The following CSMD1 variants were observed in gnomAD, a reference collection of about 807,000 sequenced individuals.
CSMD1 encodes the protein CUB and sushi domain-containing protein 1.
In CSMD1, 213 loss-of-function variants were observed where a neutral mutation model predicts 417.5. The ratio of observed to expected loss-of-function variants is 0.51; its 90% CI spans 0.46 to 0.57. The LOEUF (loss-of-function observed/expected upper bound fraction) is 0.57, where lower values mean the gene tolerates loss of function less well. CSMD1 is among the 20% of genes least tolerant of loss of function. The pLI, the probability that CSMD1 is intolerant of heterozygous loss-of-function variation, is 0.00. For synonymous variants in CSMD1, 2,862 were observed against 1,736.8 expected (o/e 1.65, Z -16.11); for missense variants, 6,923 against 4,529.7 (o/e 1.53, Z -15.17).
chr8:3,331,585 A>T (rs184222118), intron 23 of CSMD1, among the ~76,000 whole-genome samples: 1 of 152,322 alleles, frequency 6.6e-6, no homozygotes, highest in Non-Finnish European at 1.5e-5. Flanking sequence ...GATCATCTTC[A>T]AAGGGCTACT....
intron 26 of CSMD1, among the ~76,000 whole-genome samples, chr8:3,277,415 C>T (rs913203633): frequency 2.0e-5 from 3 of 152,084 alleles, no homozygotes; most frequent in Admixed American, 6.6e-5. Flanking sequence ...GCAGCTCAGA[C>T]CCCCAGCGGC....
chr8:4,321,522 G>T (rs929912878), intron 3 of CSMD1, among the ~76,000 whole-genome samples: 2 of 152,102 alleles, frequency 1.3e-5, no homozygotes, highest in East Asian at 1.9e-4. Context: ...ATGTGTTAAG[G>T]ATTAAAGGGA....
chr8:4,592,507 T>G (rs1424057931), intron 2 of CSMD1, among the ~76,000 whole-genome samples: 1 of 151,898 alleles, frequency 6.6e-6, no homozygotes, highest in African/African-American at 2.4e-5. Context: ...CTGCCTCAGC[T>G]TCCTGAGTAG....
chr8:4,952,058 G>A (rs192258556), intron 1 of CSMD1, among the ~76,000 whole-genome samples: 35 of 151,200 alleles, frequency 2.3e-4, no homozygotes, highest in Admixed American at 5.9e-4. Context: ...TATTTTACAC[G>A]TAATTGTAAG....
At chr8:3,091,353 G>A (rs866406453) in intron 48 of CSMD1, among the ~76,000 whole-genome samples, 163 bp downstream of exon 48, 3 of 151,954 alleles carry the variant, frequency 2.0e-5, no homozygotes, top group African/African-American at 7.2e-5. Context: ...GTAGTTTAGA[G>A]GAATCATTCA....
chr8:2,991,558 T>A (rs950305388), intron 54 of CSMD1, among the ~76,000 whole-genome samples: 1 of 152,244 alleles, frequency 6.6e-6, no homozygotes, highest in Non-Finnish European at 1.5e-5. Context: ...TGAATTTTTT[T>A]AACAACAGAC....
intron 12 of CSMD1, among the ~76,000 whole-genome samples, chr8:3,444,533 G>C (rs372214397): frequency 1.3e-5 from 2 of 152,044 alleles, no homozygotes; most frequent in Admixed American, 1.3e-4. Context: ...GCAATGTCTG[G>C]AGGCATTGGT....
At chr8:3,520,649 G>A (rs745793486) in intron 10 of CSMD1, among the ~76,000 whole-genome samples, 8 of 151,864 alleles carry the variant, frequency 5.3e-5, no homozygotes, top group African/African-American at 1.7e-4. Flanking sequence ...CTGCATCTCC[G>A]GGTCCTCTTT....
chr8:3,754,997 T>C (rs1797577010), intron 5 of CSMD1, among the ~76,000 whole-genome samples: 1 of 152,180 alleles, frequency 6.6e-6, no homozygotes, highest in Non-Finnish European at 1.5e-5. Context: ...TGCAATCAAT[T>C]TCTGGTTAAG....
intron 41 of CSMD1, among the ~76,000 whole-genome samples, chr8:3,140,543 G>T (rs375868936): frequency 6.6e-6 from 1 of 152,044 alleles, no homozygotes; most frequent in South Asian, 2.1e-4. Context: ...CTCCTACCTA[G>T]ATTTCCAGTT....
intron 5 of CSMD1, among the ~76,000 whole-genome samples, chr8:3,962,695 C>T (rs952073921): frequency 2.0e-5 from 3 of 152,072 alleles, no homozygotes; most frequent in African/African-American, 4.8e-5. Context: ...GAGTGTGGTG[C>T]AGAGGTGCGG....
At chr8:2,981,514 C>A (rs957867438) in intron 54 of CSMD1, among the ~76,000 whole-genome samples, 11 of 152,216 alleles carry the variant, frequency 7.2e-5, no homozygotes, top group Non-Finnish European at 1.5e-4. Flanking sequence ...TGCACCTCAT[C>A]TTAACATCTT....
intron 5 of CSMD1, among the ~76,000 whole-genome samples, chr8:3,992,755 T>C (rs905887160): frequency 2.6e-5 from 4 of 152,218 alleles, no homozygotes; most frequent in African/African-American, 9.7e-5. Context: ...TACTCCACAC[T>C]GGGTGACAGA....
At chr8:4,582,342 G>A (rs981392853) in intron 2 of CSMD1, among the ~76,000 whole-genome samples, 1 of 152,156 alleles carries the variant, frequency 6.6e-6, no homozygotes, top group Non-Finnish European at 1.5e-5. Flanking sequence ...AGAAAAGCGG[G>A]ATAAAATATA....
At chr8:4,759,018 C>G (rs898281444) in intron 1 of CSMD1, among the ~76,000 whole-genome samples, 2 of 152,046 alleles carry the variant, frequency 1.3e-5, no homozygotes, top group African/African-American at 4.8e-5. Flanking sequence ...TAAGGTTCCC[C>G]AGGAAACAGA....
chr8:3,896,849 G>A (rs74645193), intron 5 of CSMD1, among the ~76,000 whole-genome samples: 1 of 151,796 alleles, frequency 6.6e-6, no homozygotes, highest in Admixed American at 6.6e-5. Context: ...TAAATGTCAG[G>A]AAAAAAATTT....
intron 7 of CSMD1, among the ~76,000 whole-genome samples, chr8:3,671,533 A>G (rs372025796): frequency 2.8e-4 from 2 of 7,106 alleles, no homozygotes; most frequent in Non-Finnish European, 5.0e-4. Context: ...ATGATCATAT[A>G]TATATATATA....
chr8:4,627,613 C>G (rs1453616776), intron 2 of CSMD1, among the ~76,000 whole-genome samples: 1 of 152,086 alleles, frequency 6.6e-6, no homozygotes, highest in Non-Finnish European at 1.5e-5. Flanking sequence ...GTGGAAAACT[C>G]ACTTCCTTCC....
At chr8:4,453,466 T>G (rs996251576) in intron 2 of CSMD1, among the ~76,000 whole-genome samples, 15 of 152,160 alleles carry the variant, frequency 9.9e-5, no homozygotes, top group East Asian at 1.9e-4. Context: ...AGAACGGTGA[T>G]GCGAAGTCTG....
Sources: allele counts gnomAD v4.1 joint callset (sites outside exome capture counted in the v4.1 genomes callset), GRCh38; gene constraint gnomAD v4.1.1; transcripts MANE v1.5; gene names NCBI Gene and HGNC (gene_info 2026-07-23, HGNC 2026-07-21).